SCHIP1: variants seen among roughly 807,000 people sequenced by gnomAD.
The protein encoded by SCHIP1 is schwannomin interacting protein 1.
A neutral mutation model predicts 29.7 loss-of-function variants in SCHIP1; 8 were observed. The ratio of observed to expected loss-of-function variants is 0.27; its 90% CI spans 0.16 to 0.49. The LOEUF is 0.49. Among genes scored for constraint, SCHIP1 ranks in the 20% least tolerant of loss-of-function variants. The probability of loss-of-function intolerance (pLI) is 0.99; values close to 1 mark genes in which losing one functional copy is unlikely to be tolerated. For missense variants in SCHIP1, 193 were observed against 294.6 expected, an observed-to-expected ratio of 0.66 and a Z score of 2.52; for synonymous variants, 76 against 94.9, an observed-to-expected ratio of 0.80 and a Z score of 1.16.
the SCHIP1 span, among the ~76,000 whole-genome samples, chr3:159,596,789 G>A: frequency 1.3e-5 from 2 of 151,798 alleles, no homozygotes; most frequent in Admixed American, 6.6e-5. Flanking sequence ...TCACACACTG[G>A]GGGTGTCATG....
At chr3:159,425,861 T>G in the SCHIP1 span, among the ~76,000 whole-genome samples, 1 of 152,178 alleles carries the variant, frequency 6.6e-6, no homozygotes, top group East Asian at 1.9e-4. Flanking sequence ...CACAGTGCAA[T>G]CAAACTAGAA....
chr3:159,464,442 G>C, the SCHIP1 span, among the ~76,000 whole-genome samples: 1 of 152,124 alleles, frequency 6.6e-6, no homozygotes, highest in Non-Finnish European at 1.5e-5. Context: ...TAACTCTAAA[G>C]ATAAGGATTA....
At chr3:159,646,157 A>G in the SCHIP1 span, among the ~76,000 whole-genome samples, 185 of 152,230 alleles carry the variant, frequency 1.2e-3, no homozygotes, top group African/African-American at 4.2e-3. Flanking sequence ...TCCATGGGGG[A>G]ATTCTGATGG....
chr3:159,639,620 A>G, the SCHIP1 span, among the ~76,000 whole-genome samples: 4 of 152,322 alleles, frequency 2.6e-5, no homozygotes, highest in South Asian at 8.3e-4. Flanking sequence ...AAGAGGTTTG[A>G]CAGCATCTTT....
chr3:159,540,828 TTTAAG>T, the SCHIP1 span, among the ~76,000 whole-genome samples: 15 of 152,234 alleles, frequency 9.9e-5, no homozygotes, highest in African/African-American at 3.4e-4. Flanking sequence ...ATGCAACAGC[TTTAAG>T]TTAACAATGC....
the SCHIP1 span, among the ~76,000 whole-genome samples, chr3:159,464,648 G>T: frequency 6.6e-6 from 1 of 152,098 alleles, no homozygotes; most frequent in East Asian, 1.9e-4. Context: ...TGTATTTCCT[G>T]TAAATGGGAT....
chr3:159,801,770 G>A, the SCHIP1 span, among the ~76,000 whole-genome samples: 19 of 151,976 alleles, frequency 1.3e-4, no homozygotes, highest in Non-Finnish European at 2.8e-4. Context: ...GGTACACACA[G>A]TATCCTTATA....
chr3:159,666,872 C>G, the SCHIP1 span, among the ~76,000 whole-genome samples: 14 of 152,158 alleles, frequency 9.2e-5, no homozygotes, highest in African/African-American at 3.4e-4. Flanking sequence ...CAAACCTGCC[C>G]GATGTCTACA....
At chr3:159,780,829 G>A in the SCHIP1 span, among the ~76,000 whole-genome samples, 1 of 152,204 alleles carries the variant, frequency 6.6e-6, no homozygotes, top group South Asian at 2.1e-4. Flanking sequence ...GACTCTGGTG[G>A]TGTTAATACC....
At chr3:159,449,230 C>T in the SCHIP1 span, among the ~76,000 whole-genome samples, 2 of 152,132 alleles carry the variant, frequency 1.3e-5, no homozygotes, top group African/African-American at 4.8e-5. Context: ...CCTCTCTTGA[C>T]TCCATTTGTA....
the SCHIP1 span, among the ~76,000 whole-genome samples, chr3:159,344,521 C>A: frequency 2.6e-5 from 4 of 152,238 alleles, no homozygotes; most frequent in South Asian, 4.1e-4. Flanking sequence ...GTCTGTTGAT[C>A]TTTCTCCCCA....
chr3:159,689,759 T>G, the SCHIP1 span, among the ~76,000 whole-genome samples: 1 of 152,232 alleles, frequency 6.6e-6, no homozygotes, highest in African/African-American at 2.4e-5. Context: ...CTTATTATTT[T>G]GAGCTATGTT....
chr3:159,446,369 A>T, the SCHIP1 span, among the ~76,000 whole-genome samples: 3 of 152,160 alleles, frequency 2.0e-5, no homozygotes, highest in African/African-American at 7.2e-5. Flanking sequence ...GAATAATGAG[A>T]TGATGTTTAC....
chr3:159,273,593 C>CT, the SCHIP1 span: 7 of 1,284,756 alleles, frequency 5.4e-6, no homozygotes, highest in Non-Finnish European at 5.9e-6. Flanking sequence ...AGCTCTCGCT[C>CT]TTTTTTGCCA....
At chr3:159,755,730 G>A in the SCHIP1 span, among the ~76,000 whole-genome samples, 1 of 152,178 alleles carries the variant, frequency 6.6e-6, no homozygotes, top group Non-Finnish European at 1.5e-5. Context: ...AAAATCAAAA[G>A]CAAGTTAGTT....
At chr3:159,560,029 T>C in the SCHIP1 span, among the ~76,000 whole-genome samples, 1 of 152,212 alleles carries the variant, frequency 6.6e-6, no homozygotes, top group Non-Finnish European at 1.5e-5. Flanking sequence ...TGTCTCTGCC[T>C]GATAAATCAG....
At position 159,878,793 on chromosome 3, in the gene SCHIP1, TAAAATAAA is replaced by T. The variant is rs200126180; in HGVS notation, c.150-7394_150-7387del. ...ACTCCGTCTCAAAAAAAAAATAAAA[TAAAATAAA>T]AAAATAAAAAAATAAAAAATAAAAA... On this transcript the variant is annotated intron_variant, in intron 2 of 6. Transcript: ENST00000445224. Among the ~76,000 whole-genome samples, 413 of 142,654 alleles carry T rather than the reference TAAAATAAA, an allele frequency of 2.9e-3. 5 individuals carry two copies. In the East Asian group the frequency reaches 0.055, roughly 19 times the overall value. The allele number at this position is 142,654 out of a possible 152,430, so 93.6% of individuals were successfully genotyped here.
chr3:159,466,314 C>G, the SCHIP1 span, among the ~76,000 whole-genome samples: 3 of 151,818 alleles, frequency 2.0e-5, no homozygotes, highest in Non-Finnish European at 4.4e-5. Context: ...CAGACCCTGT[C>G]TCAAGAAAGA....
the SCHIP1 span, among the ~76,000 whole-genome samples, chr3:159,755,247 A>G: frequency 6.6e-6 from 1 of 152,192 alleles, no homozygotes; most frequent in East Asian, 1.9e-4. Flanking sequence ...AAAAAAAGAA[A>G]GAAAGAAAGA....
Sources: gnomAD v4.1 joint callset for allele counts (sites outside exome capture counted in the v4.1 genomes callset) on GRCh38, gnomAD v4.1.1 for gene constraint, MANE v1.5 for transcripts, NCBI Gene and HGNC (gene_info 2026-07-23, HGNC 2026-07-21) for gene names.